The following CUL1 variants were observed in gnomAD, a reference collection of about 807,000 sequenced individuals.
CUL1 encodes the protein cullin-1.
CUL1 carries 24 observed loss-of-function variants against 118.0 expected under a neutral mutation model. The ratio of observed to expected loss-of-function variants is 0.20; its 90% CI spans 0.15 to 0.29. CUL1 has a LOEUF of 0.29. Among genes scored for constraint, CUL1 ranks in the 10% least tolerant of loss-of-function variants. The pLI is 1.00. For missense variants in CUL1, 361 were observed against 933.8 expected, an observed-to-expected ratio of 0.39 and a Z score of 7.99; for synonymous variants, 332 against 340.4, an observed-to-expected ratio of 0.98 and a Z score of 0.27.
chr7:148,752,626 T>C (rs1241911953), intron 2 of CUL1, among the ~76,000 whole-genome samples: 2 of 152,200 alleles, frequency 1.3e-5, no homozygotes, highest in African/African-American at 4.8e-5. Context: ...TTAAGGTATT[T>C]CATCTTAATC....
At chr7:148,788,500 TG>T in intron 13 of CUL1, 56 bp from the exon 14 acceptor site, 2 of 1,068,032 alleles carry the variant, frequency 1.9e-6, no homozygotes, top group Non-Finnish European at 2.9e-6. Flanking sequence ...AAGATTCCCT[TG>T]TATACATTTG....
chr7:148,760,738 A>T (rs1799801391), intron 7 of CUL1, among the ~76,000 whole-genome samples: 2 of 152,106 alleles, frequency 1.3e-5, no homozygotes, highest in African/African-American at 4.8e-5. Flanking sequence ...AGCTACATGA[A>T]TTTTTTTTAA....
chr7:148,738,639 G>A (rs1457180199), intron 2 of CUL1, among the ~76,000 whole-genome samples: 2 of 152,144 alleles, frequency 1.3e-5, no homozygotes, highest in East Asian at 1.9e-4. Flanking sequence ...AAATGTATGG[G>A]TTTGTTAGAG....
At chr7:148,727,017 AAAT>A (rs1327046198) in intron 1 of CUL1, among the ~76,000 whole-genome samples, 4 of 152,080 alleles carry the variant, frequency 2.6e-5, no homozygotes, top group Admixed American at 2.6e-4. Flanking sequence ...ATTTAAAAAT[AAAT>A]AAATAAATAA....
intron 1 of CUL1, among the ~76,000 whole-genome samples, chr7:148,702,845 C>T (rs1797762206): frequency 6.6e-6 from 1 of 152,198 alleles, no homozygotes. Flanking sequence ...ACCAAACTGA[C>T]CTCCTTTGGG....
At chr7:148,732,123 G>C (rs961565044) in intron 2 of CUL1, among the ~76,000 whole-genome samples, 2 of 152,040 alleles carry the variant, frequency 1.3e-5, no homozygotes, top group Non-Finnish European at 2.9e-5. Context: ...CCCCCAACAG[G>C]GTTCTGGCTT....
chr7:148,742,281 C>T (rs948307257), intron 2 of CUL1, among the ~76,000 whole-genome samples: 4 of 152,106 alleles, frequency 2.6e-5, no homozygotes, highest in Admixed American at 6.5e-5. Flanking sequence ...CAGAGTTCCA[C>T]GTGGCTGGGG....
At chr7:148,782,033 A>G (rs1800657245) in intron 9 of CUL1, among the ~76,000 whole-genome samples, 1 of 152,178 alleles carries the variant, frequency 6.6e-6, no homozygotes, top group Admixed American at 6.5e-5. Flanking sequence ...CGTATTCGAA[A>G]ACTACCCAAT....
At chr7:148,736,781 A>C (rs533663095) in intron 2 of CUL1, among the ~76,000 whole-genome samples, 33 of 152,358 alleles carry the variant, frequency 2.2e-4, no homozygotes, top group African/African-American at 7.9e-4. Context: ...CTGCTATTAA[A>C]AACACAATGA....
At chr7:148,722,991 C>T (rs1369132440) in intron 1 of CUL1, among the ~76,000 whole-genome samples, 2 of 152,244 alleles carry the variant, frequency 1.3e-5, no homozygotes, top group Non-Finnish European at 2.9e-5. Flanking sequence ...TCCCTCCCCA[C>T]CTGTTCCAGT....
chr7:148,739,741 AT>A (rs1396391229), intron 2 of CUL1, among the ~76,000 whole-genome samples: 14 of 152,098 alleles, frequency 9.2e-5, no homozygotes, highest in African/African-American at 3.1e-4. Context: ...GGGAAACCTA[AT>A]TTATTGGTTT....
intron 6 of CUL1, 44 bp from the exon 7 acceptor site, chr7:148,760,289 C>CA (rs1563161542): frequency 3.9e-6 from 6 of 1,526,578 alleles, no homozygotes; most frequent in South Asian, 1.3e-5. Flanking sequence ...GAAATATAAC[C>CA]AAAAAAATAG....
At chr7:148,792,609 C>T in intron 16 of CUL1, 117 bp from the exon 17 acceptor site, 4 of 592,932 alleles carry the variant, frequency 6.7e-6, no homozygotes, top group Admixed American at 3.6e-5. Flanking sequence ...TTTTTTTGTA[C>T]TTGTTTAAAG....
intron 1 of CUL1, among the ~76,000 whole-genome samples, chr7:148,713,792 C>T (rs550373434): frequency 9.2e-5 from 14 of 152,266 alleles, no homozygotes; most frequent in African/African-American, 2.9e-4. Context: ...GGTGCAATCT[C>T]GGCTCACTGC....
chr7:148,739,748 G>A (rs1028719754), intron 2 of CUL1, among the ~76,000 whole-genome samples: 5 of 151,982 alleles, frequency 3.3e-5, no homozygotes, highest in African/African-American at 1.2e-4. Flanking sequence ...CTAATTTATT[G>A]GTTTTATTTT....
At chr7:148,797,156 C>G (rs996314936) in intron 17 of CUL1, among the ~76,000 whole-genome samples, 1 of 152,294 alleles carries the variant, frequency 6.6e-6, no homozygotes, top group African/African-American at 2.4e-5. Context: ...AGGTCGCCTG[C>G]CGCTGAGCCC....
rs1798706064 is a variant in CUL1, at chr7:148,730,059, T to C, written c.-64T>C. 1 of 1,543,622 alleles carries C rather than the reference T, an allele frequency of 6.5e-7. No homozygotes were observed. On this transcript the variant is annotated 5_prime_UTR_variant, in exon 2 of 22. The change abolishes an upstream ATG in the 5' untranslated region. Coordinates refer to ENST00000325222, the MANE Select transcript of CUL1 (RefSeq NM_003592.3). ...AATGGTACTGTATATTTTCATCTAA[T>C]GGAGAACTAGCTGTACTTTGAATAA...
chr7:148,760,999 G>A (rs967281849), intron 7 of CUL1, among the ~76,000 whole-genome samples: 3 of 152,148 alleles, frequency 2.0e-5, no homozygotes, highest in Non-Finnish European at 2.9e-5. Flanking sequence ...GATTAGAGGC[G>A]TGAGCCACCA....
chr7:148,788,519 G>GTACAAAAA, intron 13 of CUL1, 38 bp from the exon 14 acceptor site: 3 of 1,314,458 alleles, frequency 2.3e-6, no homozygotes, highest in Non-Finnish European at 3.3e-6. Flanking sequence ...TTGTATTTTT[G>GTACAAAAA]TACAAATTAA....
Sources: gnomAD v4.1 joint callset for allele counts (sites outside exome capture counted in the v4.1 genomes callset) on GRCh38, gnomAD v4.1.1 for gene constraint, MANE v1.5 for transcripts, NCBI Gene and HGNC (gene_info 2026-07-23, HGNC 2026-07-21) for gene names.